PCCA: variants seen among roughly 807,000 people sequenced by gnomAD.
PCCA encodes the protein propionyl-CoA carboxylase alpha chain, mitochondrial.
Under a neutral mutation model 101.3 loss-of-function variants are expected in PCCA, and 74 were observed. The observed-to-expected ratio is 0.73, with a 90% CI of 0.61 to 0.89. The LOEUF is 0.89. Ranked by LOEUF, PCCA falls within the 40% of genes least tolerant of loss-of-function variation. PCCA has a pLI of 0.00. For synonymous variants in PCCA, 294 were observed against 313.6 expected (o/e 0.94, Z 0.66); for missense variants, 891 against 907.0 (o/e 0.98, Z 0.23).
chr13:100,207,719 C>G (rs2058948664), intron 6 of PCCA, among the ~76,000 whole-genome samples: 1 of 151,840 alleles, frequency 6.6e-6, no homozygotes, highest in Non-Finnish European at 1.5e-5. Context: ...TATTTGATGC[C>G]TTTAAAAATC....
chr13:100,204,798 C>T (rs1423805225), intron 6 of PCCA, among the ~76,000 whole-genome samples: 2 of 152,076 alleles, frequency 1.3e-5, no homozygotes, highest in Non-Finnish European at 2.9e-5. Flanking sequence ...ATTTCTTTCT[C>T]TTCTTTTGTC....
chr13:100,177,753 CAA>C lies in PCCA; in HGVS notation c.468+20414_468+20415del, dbSNP rs2056373818. Among the ~76,000 whole-genome samples the C allele has an allele frequency of 2.0e-5, 3 of 152,206 alleles. No individual in the cohort carries two copies. In the South Asian group the frequency reaches 6.2e-4, roughly 32 times the overall value. ...TCAAGTAGTCCATGTAAAAATAACT[CAA>C]GTCTTCAAACATTCTCAGAACTAAA... On this transcript the variant is annotated intron_variant, in intron 6 of 23. Transcript: ENST00000376285.
intron 2 of PCCA, among the ~76,000 whole-genome samples, chr13:100,106,156 T>C (rs2047776772): frequency 6.6e-6 from 1 of 152,086 alleles, no homozygotes. Flanking sequence ...TTGCCTATGG[T>C]GAGCCTTTCT....
intron 11 of PCCA, among the ~76,000 whole-genome samples, chr13:100,270,878 A>G (rs1028122447): frequency 6.6e-6 from 1 of 151,988 alleles, no homozygotes; most frequent in African/African-American, 2.4e-5. Flanking sequence ...CTGTGGTGGC[A>G]TATGCCTATA....
intron 14 of PCCA, among the ~76,000 whole-genome samples, chr13:100,306,725 TTACAGTTGA>T (rs1215856403): frequency 2.0e-5 from 3 of 151,996 alleles, no homozygotes; most frequent in Admixed American, 6.6e-5. Flanking sequence ...AAATAGTGTT[TTACAGTTGA>T]GAGGGTGAGG....
At chr13:100,526,061 C>T (rs1201976399) in intron 22 of PCCA, among the ~76,000 whole-genome samples, 3 of 152,200 alleles carry the variant, frequency 2.0e-5, no homozygotes, top group East Asian at 1.9e-4. Context: ...TCCAGGGTCC[C>T]CTGTGTGGAG....
chr13:100,262,256 G>A lies in PCCA; in HGVS notation c.717-473G>A, dbSNP rs185485167. On this transcript the variant is annotated intron_variant, in intron 9 of 23. Coordinates refer to ENST00000376285, the MANE Select transcript of PCCA (RefSeq NM_000282.4). The stretch of plus-strand genomic sequence containing the variant: ...AAAAATATAAAAATTAGCCGGGCGT[G>A]GTGGCACACACCTGTATTCCCAGCT... Among the ~76,000 whole-genome samples, 702 of 151,990 alleles carry A rather than the reference G, an allele frequency of 4.6e-3. 3 individuals carry two copies. Among genetic ancestry groups the A allele is most frequent in the Non-Finnish European group, 7.7e-3 (521 of 67,980 alleles).
chr13:100,508,763 ACT>A (rs1463381285), intron 21 of PCCA, among the ~76,000 whole-genome samples: 1 of 152,102 alleles, frequency 6.6e-6, no homozygotes, highest in Non-Finnish European at 1.5e-5. Context: ...AGGGCTTTAC[ACT>A]GTCTCCACAT....
rs547968557 is a variant in PCCA at position 100,113,739 on chromosome 13, C to T, written c.300+1678C>T. Among the ~76,000 whole-genome samples the T allele has an allele frequency of 3.4e-4, 52 of 152,034 alleles. No individual in the cohort carries two copies. In the East Asian group the frequency reaches 4.3e-3, roughly 12 times the overall value. On this transcript the variant is annotated intron_variant, in intron 4 of 23. Coordinates refer to ENST00000376285, the MANE Select transcript of PCCA (RefSeq NM_000282.4). Reference sequence around the variant, plus strand: ...GATTACAGGCATGTGTCACCACGCTCGGCTAATTTTTGTATTTTTAGTAGA... The same window carrying T: ...GATTACAGGCATGTGTCACCACGCTTGGCTAATTTTTGTATTTTTAGTAGA...
intron 2 of PCCA, chr13:100,104,524 T>C (rs9518004): frequency 0.43 from 64,672 of 151,936 alleles, 14,801 homozygotes; most frequent in Middle Eastern, 0.58. Context: ...CCCTGCTGCC[T>C]TGTGAAGAAG....
intron 13 of PCCA, among the ~76,000 whole-genome samples, chr13:100,301,900 T>C (rs944167392): frequency 2.0e-5 from 3 of 152,208 alleles, no homozygotes; most frequent in African/African-American, 7.2e-5. Context: ...ATGGTTTTTG[T>C]TTTGTTTGCA....
At chr13:100,252,485 A>G (rs918652800) in intron 8 of PCCA, among the ~76,000 whole-genome samples, 20 of 152,266 alleles carry the variant, frequency 1.3e-4, no homozygotes, top group African/African-American at 4.6e-4. Flanking sequence ...AAGAAATTGT[A>G]GGTGAGAAAA....
intron 21 of PCCA, chr13:100,466,071 AGTAGAT>A (rs1202820540): frequency 6.6e-6 from 1 of 152,200 alleles, no homozygotes; most frequent in Admixed American, 6.5e-5. Context: ...TTACCATTTG[AGTAGAT>A]GTACTGTTAC....
chr13:100,227,712 A>G (rs569517616), intron 7 of PCCA, among the ~76,000 whole-genome samples: 1 of 152,300 alleles, frequency 6.6e-6, no homozygotes, highest in South Asian at 2.1e-4. Flanking sequence ...GCCTTCCCTC[A>G]GGACAAGCTG....
intron 6 of PCCA, among the ~76,000 whole-genome samples, chr13:100,183,969 C>G (rs1449295569): frequency 6.6e-6 from 1 of 152,142 alleles, no homozygotes; most frequent in African/African-American, 2.4e-5. Flanking sequence ...GTGTGCTAGT[C>G]TGTTCTTGCC....
At chr13:100,495,027 G>C (rs763136201) in intron 21 of PCCA, among the ~76,000 whole-genome samples, 2 of 151,952 alleles carry the variant, frequency 1.3e-5, no homozygotes, top group African/African-American at 4.8e-5. Flanking sequence ...TTAGAGGTGC[G>C]ATTCTCAACC....
chr13:100,368,255 C>A (rs1026348368), intron 18 of PCCA, among the ~76,000 whole-genome samples: 14 of 151,712 alleles, frequency 9.2e-5, no homozygotes, highest in African/African-American at 3.4e-4. Context: ...TTGAAAAAAA[C>A]TAATACTGCT....
intron 19 of PCCA, among the ~76,000 whole-genome samples, chr13:100,401,950 A>G (rs1169814607): frequency 6.6e-6 from 1 of 152,174 alleles, no homozygotes; most frequent in Non-Finnish European, 1.5e-5. Flanking sequence ...ATTTGTTTCA[A>G]AATCTTTTCT....
intron 18 of PCCA, among the ~76,000 whole-genome samples, chr13:100,345,073 C>T (rs2071984732): frequency 6.6e-6 from 1 of 152,114 alleles, no homozygotes; most frequent in Admixed American, 6.5e-5. Context: ...TCTCCCTATT[C>T]CCTGAGATAA....
Sources: allele counts gnomAD v4.1 joint callset (sites outside exome capture counted in the v4.1 genomes callset), GRCh38; gene constraint gnomAD v4.1.1; transcripts MANE v1.5; gene names NCBI Gene and HGNC (gene_info 2026-07-23, HGNC 2026-07-21).